The following EDN3 variants were observed in gnomAD, a reference collection of about 807,000 sequenced individuals.
EDN3 encodes the protein endothelin-3.
Under a neutral mutation model 21.4 loss-of-function variants are expected in EDN3, and 9 were observed. The ratio of observed to expected loss-of-function variants is 0.42; its 90% CI spans 0.25 to 0.73. EDN3 has a LOEUF of 0.73. EDN3 is among the 30% of genes least tolerant of loss of function. The probability of loss-of-function intolerance (pLI) is 0.26; values close to 1 mark genes in which losing one functional copy is unlikely to be tolerated. For missense variants in EDN3, 327 were observed against 309.4 expected (o/e 1.06, Z -0.43); for synonymous variants, 133 against 126.2 (o/e 1.05, Z -0.36).
chr20:59,301,370 G>T, intron 1 of EDN3, 40 bp from the exon 2 acceptor site: 2 of 1,597,516 alleles, frequency 1.3e-6, no homozygotes, highest in Non-Finnish European at 1.7e-6. Flanking sequence ...TGAGGGGTCT[G>T]CACACTCAGC....
At chr20:59,319,378 T>C (rs1011964672) in intron 2 of EDN3, among the ~76,000 whole-genome samples, 1 of 152,140 alleles carries the variant, frequency 6.6e-6, no homozygotes, top group African/African-American at 2.4e-5. Context: ...TTATGGTGTG[T>C]GTTTCAAATG....
intron 2 of EDN3, among the ~76,000 whole-genome samples, chr20:59,317,527 G>A (rs933032332): frequency 2.6e-5 from 4 of 152,188 alleles, no homozygotes; most frequent in African/African-American, 9.7e-5. Flanking sequence ...TGATCATCAT[G>A]TAACATAAGA....
At chr20:59,306,450 C>T (rs150064734) in intron 2 of EDN3, among the ~76,000 whole-genome samples, 2 of 152,074 alleles carry the variant, frequency 1.3e-5, no homozygotes. Flanking sequence ...GCTGCCAAGT[C>T]TCTCCTAATC....
rs548086485 is a variant in EDN3 at position 59,320,792 on chromosome 20, C to A, written c.366-225C>A. Among the ~76,000 whole-genome samples, 13 of 152,358 alleles carry A rather than the reference C, an allele frequency of 8.5e-5. No homozygotes were observed. In the East Asian group the frequency reaches 2.5e-3, roughly 29 times the overall value. ...CCCAGCTACCCAGACCCTCCATGTCCTTCCATGCCCTCAGCCCCAACTCTC... is the reference window on the plus strand; with the variant it reads ...CCCAGCTACCCAGACCCTCCATGTCATTCCATGCCCTCAGCCCCAACTCTC... On this transcript the variant is annotated intron_variant, in intron 2 of 4. Coordinates refer to ENST00000337938, the MANE Select transcript of EDN3 (RefSeq NM_207034.3).
At chr20:59,308,910 A>T (rs1348689251) in intron 2 of EDN3, among the ~76,000 whole-genome samples, 1 of 152,112 alleles carries the variant, frequency 6.6e-6, no homozygotes, top group East Asian at 1.9e-4. Context: ...CCCGGAGCAA[A>T]CCTGTCCACC....
Position 59,300,823 on chromosome 20 carries a change from G to A in EDN3, c.11G>A (p.Gly4Glu). 1.2e-6 allele frequency: 2 copies of A among 1,611,322 alleles called. No individual in the cohort carries two copies. The highest frequency in any genetic ancestry group is 1.7e-6 in the Non-Finnish European group (2 of 1,179,576). MEP[G>E]LWLLFGLTVT... is the part of the protein sequence containing the mutation. ...GCCTGATCTAGGTTCATGGAGCCGG[G>A]GCTGTGGCTCCTTTTCGGGCTCACA... is the stretch of plus-strand genomic sequence containing the variant. The change falls in exon 1 of 5, where the codon GGG becomes GAG. Residue 4 changes from glycine to glutamate, a missense_variant. Gly to Glu is a moderately conservative substitution (Grantham distance 98, BLOSUM62 -2). Transcript: ENST00000337938.
At chr20:59,314,329 C>A (rs1251794658) in intron 2 of EDN3, among the ~76,000 whole-genome samples, 1 of 152,166 alleles carries the variant, frequency 6.6e-6, no homozygotes, top group Non-Finnish European at 1.5e-5. Flanking sequence ...TCTGTGGTTG[C>A]CATCTCATGA....
At position 59,325,535 on chromosome 20, in the gene EDN3, G is replaced by C. The variant is rs1021018894; in HGVS notation, c.*1076G>C. The C allele has an allele frequency of 6.6e-6, 1 of 152,154 alleles. No homozygotes were observed. 9.4% of individuals were successfully genotyped at this position (152,154 alleles called of 1,614,324 possible). On this transcript the variant is annotated 3_prime_UTR_variant, in exon 5 of 5. Coordinates refer to ENST00000337938, the MANE Select transcript of EDN3 (RefSeq NM_207034.3). ...AGAGATAGGAAACGGCATTTGAGTGGGTGTCCAGGGCCCCGTAGAGAGACA... is the reference window on the plus strand; with the variant it reads ...AGAGATAGGAAACGGCATTTGAGTGCGTGTCCAGGGCCCCGTAGAGAGACA...
chr20:59,321,158 C>T lies in EDN3; in HGVS notation c.507C>T (p.Cys169=), dbSNP rs74315385. ...CACVGRYDKA[C]LHFCTQTLDV... ...GTGTGGGGAGATATGACAAGGCCTG[C>T]CTGCACTTTTGCACCCAAACTCTGG... The change falls in exon 3 of 5, where the codon TGC becomes TGT. Residue 169 remains cysteine (C), a synonymous_variant. Transcript: ENST00000337938. 1.9e-6 allele frequency: 3 copies of T among 1,614,238 alleles called. No individual in the cohort carries two copies. The highest frequency in any genetic ancestry group is 2.7e-5 in the African/African-American group (2 of 75,076).
intron 2 of EDN3, 38 bp downstream of exon 2, chr20:59,301,760 G>T: frequency 6.2e-7 from 1 of 1,607,928 alleles, no homozygotes; most frequent in South Asian, 1.1e-5. Context: ...GTGGCTCCCG[G>T]ACCAGGCCCA....
At position 59,321,022 on chromosome 20, in the gene EDN3, C is replaced by T. The variant is rs1050787473; in HGVS notation, c.371C>T (p.Thr124Met). The change falls in exon 3 of 5, where the codon ACG becomes ATG. Residue 124 changes from threonine to methionine, a missense_variant. Transcript: ENST00000337938. ...CATTACCCTGTGCTTTGCAGACAGA[C>T]GGTGCCCTATGGACTGTCCAACTAC... ...DIIWINTPEQ[T>M]VPYGLSNYRG... is the part of the protein sequence containing the mutation. 12 of 1,614,092 alleles carry T rather than the reference C, an allele frequency of 7.4e-6. No individual in the cohort carries two copies. The highest frequency in any genetic ancestry group is 2.2e-5 in the East Asian group (1 of 44,894).
rs2063731 is a variant in EDN3, at chr20:59,305,692, C to T, written c.365+3970C>T. 2.7e-3 allele frequency among the ~76,000 whole-genome samples: 407 copies of T among 152,194 alleles called. 3 individuals are homozygous for T. Among genetic ancestry groups the T allele is most frequent in the African/African-American group, 9.1e-3 (379 of 41,516 alleles). ...TGGCAGGCCAGAAATCTGCATGCCACCAGGCTGAAAATTCCCGAGGGAGTT... is the reference window on the plus strand; with the variant it reads ...TGGCAGGCCAGAAATCTGCATGCCATCAGGCTGAAAATTCCCGAGGGAGTT... On this transcript the variant is annotated intron_variant, in intron 2 of 4. Coordinates refer to ENST00000337938, the MANE Select transcript of EDN3 (RefSeq NM_207034.3). This position sits in a 1 kb window ranked among gnomAD's most constrained non-coding sequence, Gnocchi z 4.2.
At chr20:59,313,181 G>T (rs1259367764) in intron 2 of EDN3, among the ~76,000 whole-genome samples, 1 of 152,218 alleles carries the variant, frequency 6.6e-6, no homozygotes, top group Admixed American at 6.5e-5. Context: ...GCTGTGCAGT[G>T]ATGGCTCATT....
intron 2 of EDN3, among the ~76,000 whole-genome samples, chr20:59,304,496 A>T (rs907175748): frequency 6.6e-6 from 1 of 152,198 alleles, no homozygotes; most frequent in African/African-American, 2.4e-5. Flanking sequence ...CTTGTGCCTC[A>T]GTCAGGGGTC....
chr20:59,307,657 C>G (rs1303549672), intron 2 of EDN3, among the ~76,000 whole-genome samples: 1 of 152,124 alleles, frequency 6.6e-6, no homozygotes, highest in East Asian at 1.9e-4. Context: ...GACATGGTTC[C>G]CCATCCGTGA....
chr20:59,312,911 G>T (rs1989925270), intron 2 of EDN3, among the ~76,000 whole-genome samples: 9 of 152,154 alleles, frequency 5.9e-5, no homozygotes, highest in Admixed American at 5.9e-4. Context: ...TAGAAGCCTG[G>T]GTCTTCCAGC....
At chr20:59,303,783 T>A (rs1029659092) in intron 2 of EDN3, among the ~76,000 whole-genome samples, 2 of 152,204 alleles carry the variant, frequency 1.3e-5, no homozygotes, top group Admixed American at 6.5e-5. Flanking sequence ...GCTCTCTGAC[T>A]TTTTCCAGGA....
At chr20:59,308,238 C>A (rs1989560842) in intron 2 of EDN3, among the ~76,000 whole-genome samples, 1 of 152,162 alleles carries the variant, frequency 6.6e-6, no homozygotes, top group South Asian at 2.1e-4. Context: ...GAGGGACCCC[C>A]AGGCCATGAG....
At chr20:59,318,936 T>C (rs1472013096) in intron 2 of EDN3, among the ~76,000 whole-genome samples, 1 of 152,212 alleles carries the variant, frequency 6.6e-6, no homozygotes, top group Non-Finnish European at 1.5e-5. Context: ...ATTGATTTAA[T>C]GTCAACACTC....
Sources: gnomAD v4.1 joint callset for allele counts (sites outside exome capture counted in the v4.1 genomes callset) on GRCh38, gnomAD v4.1.1 for gene constraint, Gnocchi (gnomAD v3.1) non-coding constraint, MANE v1.5 for transcripts, NCBI Gene and HGNC (gene_info 2026-07-23, HGNC 2026-07-21) for gene names.